Variants in ZNF804B observed in about 807,000 individuals in gnomAD.
ZNF804B encodes the protein zinc finger 804B.
A neutral mutation model predicts 101.4 loss-of-function variants in ZNF804B; 80 were observed. The observed-to-expected ratio is 0.79, with a 90% CI of 0.66 to 0.95. ZNF804B has a LOEUF of 0.95. Ranked by LOEUF, ZNF804B falls within the 40% of genes least tolerant of loss-of-function variation. The probability of loss-of-function intolerance (pLI) is 0.00; values close to 1 mark genes in which losing one functional copy is unlikely to be tolerated. For missense variants in ZNF804B, 1,673 were observed against 1,561.9 expected (o/e 1.07, Z -1.20); for synonymous variants, 622 against 558.8 (o/e 1.11, Z -1.59).
At chr7:89,148,066 G>C (rs1206376338) in intron 1 of ZNF804B, among the ~76,000 whole-genome samples, 1 of 151,854 alleles carries the variant, frequency 6.6e-6, no homozygotes, top group Non-Finnish European at 1.5e-5. Context: ...AAAGGTTAGG[G>C]ACCACCTACA....
intron 1 of ZNF804B, among the ~76,000 whole-genome samples, chr7:88,818,934 G>T (rs1251696315): frequency 6.6e-6 from 1 of 152,126 alleles, no homozygotes; most frequent in African/African-American, 2.4e-5. Flanking sequence ...TTCTTTAGAA[G>T]TATGTCAGAA....
At chr7:88,772,448 A>G (rs1403034404) in intron 1 of ZNF804B, among the ~76,000 whole-genome samples, 1 of 152,196 alleles carries the variant, frequency 6.6e-6, no homozygotes, top group Non-Finnish European at 1.5e-5. Flanking sequence ...GGAATAGAGA[A>G]GGTGAGAAAG....
chr7:89,015,947 C>T (rs1788548263), intron 1 of ZNF804B, among the ~76,000 whole-genome samples: 1 of 151,814 alleles, frequency 6.6e-6, no homozygotes, highest in African/African-American at 2.4e-5. Context: ...GTTTACAGTC[C>T]CACCAACAGT....
At chr7:88,949,927 C>T (rs560356984) in intron 1 of ZNF804B, among the ~76,000 whole-genome samples, 61 of 151,914 alleles carry the variant, frequency 4.0e-4, no homozygotes, top group Non-Finnish European at 8.7e-4. Flanking sequence ...AGATTTGTGT[C>T]AGTACACACT....
chr7:88,811,636 G>T (rs1262531805), intron 1 of ZNF804B, among the ~76,000 whole-genome samples: 1 of 152,142 alleles, frequency 6.6e-6, no homozygotes, highest in Non-Finnish European at 1.5e-5. Context: ...GGAGTACTAT[G>T]CAGCTATAAA....
At position 89,155,419 on chromosome 7, in the gene ZNF804B, C is replaced by T. The variant is rs147925522; in HGVS notation, c.109-62736C>T. ...ACCTAAAAACCCATGCTGTTCTCTT[C>T]GCTCAACATCTTACCATCTCTCTCA... On this transcript the variant is annotated intron_variant, in intron 1 of 3. Coordinates refer to ENST00000333190, the MANE Select transcript of ZNF804B (RefSeq NM_181646.5). Among the ~76,000 whole-genome samples the T allele has an allele frequency of 3.3e-3, 503 of 152,246 alleles. 2 individuals carry two copies. The highest frequency in any genetic ancestry group is 0.011 in the African/African-American group (473 of 41,552).
chr7:89,169,459 C>T (rs554523455), intron 1 of ZNF804B, among the ~76,000 whole-genome samples: 3 of 152,200 alleles, frequency 2.0e-5, no homozygotes, highest in Admixed American at 6.5e-5. Context: ...CCTGATTGGT[C>T]GGGTGTGAGC....
chr7:88,941,620 G>A (rs1425746759), intron 1 of ZNF804B, among the ~76,000 whole-genome samples: 1 of 151,944 alleles, frequency 6.6e-6, no homozygotes. Flanking sequence ...AGAAAGAGAT[G>A]AACAGACAGA....
Position 89,292,733 on chromosome 7 carries a change from A to C in ZNF804B, c.250-34611A>C, listed in dbSNP as rs1016196730. Reference sequence around the variant, plus strand: ...ATAACATCGAATGTAAATGTTATTTACATTCTACAAATTGTTAAAATTATC... The same window carrying C: ...ATAACATCGAATGTAAATGTTATTTCCATTCTACAAATTGTTAAAATTATC... On this transcript the variant is annotated intron_variant, in intron 2 of 3. Transcript: ENST00000333190. 3.3e-5 allele frequency among the ~76,000 whole-genome samples: 5 copies of C among 152,076 alleles called. No individual in the cohort carries two copies. In the South Asian group the frequency reaches 1.0e-3, roughly 31 times the overall value.
rs116785079 is a variant in ZNF804B at position 89,138,311 on chromosome 7, G to A, written c.109-79844G>A. Among the ~76,000 whole-genome samples the A allele has an allele frequency of 8.6e-3, 1,315 of 152,180 alleles. 22 individuals are homozygous for A. The highest frequency in any genetic ancestry group is 0.03 in the African/African-American group (1,245 of 41,562). ...GGTAGATTCACCAACAGCTTGCACCGTGTGACCTCTTGCTTCAGCGTGACC... is the reference window on the plus strand; with the variant it reads ...GGTAGATTCACCAACAGCTTGCACCATGTGACCTCTTGCTTCAGCGTGACC... On this transcript the variant is annotated intron_variant, in intron 1 of 3. Coordinates refer to ENST00000333190, the MANE Select transcript of ZNF804B (RefSeq NM_181646.5).
chr7:89,242,429 T>C (rs1026198595), intron 2 of ZNF804B, among the ~76,000 whole-genome samples: 3 of 151,906 alleles, frequency 2.0e-5, no homozygotes, highest in Admixed American at 2.0e-4. Flanking sequence ...TAATAAATAG[T>C]TATGGAATAT....
chr7:89,223,373 C>T (rs1192749402), intron 2 of ZNF804B, among the ~76,000 whole-genome samples: 3 of 151,964 alleles, frequency 2.0e-5, no homozygotes, highest in African/African-American at 7.2e-5. Flanking sequence ...TATAATTACT[C>T]AGGATCCCAC....
chr7:88,943,886 T>A (rs993436258), intron 1 of ZNF804B, among the ~76,000 whole-genome samples: 1 of 151,860 alleles, frequency 6.6e-6, no homozygotes, highest in Non-Finnish European at 1.5e-5. Context: ...GTATTTGTCT[T>A]CCGTCACTTA....
chr7:88,910,891 T>A (rs1792539840), intron 1 of ZNF804B, among the ~76,000 whole-genome samples: 1 of 151,922 alleles, frequency 6.6e-6, no homozygotes, highest in Admixed American at 6.6e-5. Flanking sequence ...CATGCCAGAG[T>A]ATGCAGGTGC....
At chr7:89,069,743 T>C (rs532663136) in intron 1 of ZNF804B, among the ~76,000 whole-genome samples, 2 of 152,304 alleles carry the variant, frequency 1.3e-5, no homozygotes, top group Admixed American at 6.5e-5. Flanking sequence ...TTTCCCCCAG[T>C]ATTTAGCACT....
chr7:89,092,359 T>G (rs1442437095), intron 1 of ZNF804B, among the ~76,000 whole-genome samples: 3 of 151,674 alleles, frequency 2.0e-5, no homozygotes, highest in Non-Finnish European at 4.4e-5. Flanking sequence ...TCGTGGACAC[T>G]TACGTTATAC....
At chr7:89,113,681 T>G (rs1377749288) in intron 1 of ZNF804B, among the ~76,000 whole-genome samples, 58 of 152,044 alleles carry the variant, frequency 3.8e-4, no homozygotes, top group Admixed American at 3.8e-3. Context: ...GGCCAGGCGC[T>G]GTGGCTCATA....
rs568738635 is a variant in ZNF804B, at chr7:89,159,814, G to A, written c.109-58341G>A. Among the ~76,000 whole-genome samples, 17 of 152,200 alleles carry A rather than the reference G, an allele frequency of 1.1e-4. 1 individual carries two copies. Among genetic ancestry groups the A allele is most frequent in the East Asian group, 3.9e-4 (2 of 5,180 alleles). ...ATCTATGGTCTACAGTCCTGCTTTC[G>A]TCTAGGGAAGGTTAAAGAATGAAGA... On this transcript the variant is annotated intron_variant, in intron 1 of 3. Transcript: ENST00000333190.
At chr7:89,245,555 T>C (rs1789429823) in intron 2 of ZNF804B, among the ~76,000 whole-genome samples, 1 of 152,144 alleles carries the variant, frequency 6.6e-6, no homozygotes, top group Admixed American at 6.5e-5. Flanking sequence ...TACTTGGAAA[T>C]TGTAAGAATT....
Sources: gnomAD v4.1 joint callset for allele counts (sites outside exome capture counted in the v4.1 genomes callset) on GRCh38, gnomAD v4.1.1 for gene constraint, MANE v1.5 for transcripts, NCBI Gene and HGNC (gene_info 2026-07-23, HGNC 2026-07-21) for gene names.